The following TMED2 variants were observed in gnomAD, a reference collection of about 807,000 sequenced individuals.
TMED2 encodes the protein transmembrane emp24 domain-containing protein 2.
Under a neutral mutation model 17.5 loss-of-function variants are expected in TMED2, and 3 were observed. That is an observed-to-expected ratio of 0.17 (90% CI 0.08 to 0.44). The LOEUF (loss-of-function observed/expected upper bound fraction) is 0.44, where lower values mean the gene tolerates loss of function less well. TMED2 is among the 20% of genes least tolerant of loss of function. TMED2 has a pLI of 0.99. For synonymous variants in TMED2, 95 were observed against 91.0 expected (o/e 1.04, Z -0.25); for missense variants, 149 against 254.8 (o/e 0.58, Z 2.83).
chr12:123,590,747 G>T (rs1262035854), intron 3 of TMED2, among the ~76,000 whole-genome samples: 1 of 152,190 alleles, frequency 6.6e-6, no homozygotes, highest in Non-Finnish European at 1.5e-5. Flanking sequence ...ACTTTGGGAG[G>T]CTGAGGCAGG....
intron 1 of TMED2, 117 bp downstream of exon 1, chr12:123,584,933 C>A: frequency 7.6e-7 from 1 of 1,310,758 alleles, no homozygotes; most frequent in Admixed American, 2.5e-5. Context: ...CTGTCCGAGT[C>A]CTGGAGAAGC....
rs1025504233 is a variant in TMED2, at chr12:123,584,828, C to G, written c.180+12C>G. ...ACATCGACGTGGAGGTGCGGGCTAG[C>G]TGCCCGCAGCTGAGGCTTGGTCGCG... is the stretch of plus-strand genomic sequence containing the variant. On this transcript the variant is annotated intron_variant, in intron 1 of 3. Coordinates refer to ENST00000262225, the MANE Select transcript of TMED2 (RefSeq NM_006815.4). 20 of 1,605,640 alleles carry G rather than the reference C, an allele frequency of 1.2e-5. No individual in the cohort carries two copies. The African/African-American group carries it at 1.3e-4, about 11-fold the overall frequency.
intron 3 of TMED2, among the ~76,000 whole-genome samples, chr12:123,593,120 G>A (rs1953405117): frequency 6.6e-6 from 1 of 152,196 alleles, no homozygotes; most frequent in South Asian, 2.1e-4. Flanking sequence ...GAGATCACTT[G>A]AACCCAGGAG....
At position 123,590,457 on chromosome 12, in the gene TMED2, AATGC is replaced by A; in HGVS notation, c.481+9_481+12del. ...AGAGAATACACAGAGCCAGTAAGTG[AATGC>A]CGTCACTTTGCAGCAGTGTCTGATG... On this transcript the variant is annotated intron_variant, in intron 3 of 3. Coordinates refer to ENST00000262225, the MANE Select transcript of TMED2 (RefSeq NM_006815.4). The A allele has an allele frequency of 6.3e-7, 1 of 1,590,884 alleles. No homozygotes were observed. The highest frequency in any genetic ancestry group is 8.6e-7 in the Non-Finnish European group (1 of 1,167,214).
intron 3 of TMED2, among the ~76,000 whole-genome samples, chr12:123,590,734 A>G (rs1183285878): frequency 6.6e-6 from 1 of 152,332 alleles, no homozygotes; most frequent in Non-Finnish European, 1.5e-5. Context: ...CTGTAATCCC[A>G]GCACTTTGGG....
intron 2 of TMED2, chr12:123,587,705 T>C: frequency 3.3e-6 from 4 of 1,216,062 alleles, no homozygotes; most frequent in Non-Finnish European, 4.2e-6. Context: ...TGCTTTCTTT[T>C]TTCTAACCTC....
chr12:123,591,738 T>C (rs546658636), intron 3 of TMED2, among the ~76,000 whole-genome samples: 1 of 151,040 alleles, frequency 6.6e-6, no homozygotes, highest in African/African-American at 2.4e-5. Flanking sequence ...GCTGATATCA[T>C]GCCATTGCAC....
intron 2 of TMED2, among the ~76,000 whole-genome samples, chr12:123,588,982 C>T (rs909001408): frequency 1.3e-5 from 2 of 152,118 alleles, no homozygotes; most frequent in Admixed American, 6.6e-5. Flanking sequence ...GGGTTGTCTG[C>T]GAGAATCTGG....
chr12:123,592,260 C>T (rs2135663035), intron 3 of TMED2, among the ~76,000 whole-genome samples: 1 of 152,312 alleles, frequency 6.6e-6, no homozygotes, highest in Middle Eastern at 3.4e-3. Context: ...TCTCTCTTAT[C>T]TTGTTGGGAC....
chr12:123,589,321 G>A (rs916208203), intron 2 of TMED2, among the ~76,000 whole-genome samples: 2 of 152,198 alleles, frequency 1.3e-5, no homozygotes, highest in African/African-American at 2.4e-5. Flanking sequence ...TCTCTGCTCA[G>A]CTTTATAGAG....
chr12:123,587,669 CT>C, intron 2 of TMED2: 1 of 1,260,464 alleles, frequency 7.9e-7, no homozygotes. Flanking sequence ...CTTTTTGCAT[CT>C]TTTTGTTTGC....
Position 123,590,333 on chromosome 12 carries a change from C to T in TMED2, c.374-9C>T, listed in dbSNP as rs1953382307. 1 of 1,573,624 alleles carries T rather than the reference C, an allele frequency of 6.4e-7. No individual in the cohort carries two copies. Among genetic ancestry groups the T allele is most frequent in the Non-Finnish European group, 8.6e-7 (1 of 1,159,806 alleles). On this transcript the variant is annotated splice_polypyrimidine_tract_variant and intron_variant, in intron 2 of 3. Coordinates refer to ENST00000262225, the MANE Select transcript of TMED2 (RefSeq NM_006815.4). Reference sequence around the variant, plus strand: ...GACAAATGTGTTTTGTTTTCAAATCCTTCTATAGCTCACCAGAACAAGCTA... The same window carrying T: ...GACAAATGTGTTTTGTTTTCAAATCTTTCTATAGCTCACCAGAACAAGCTA...
At chr12:123,594,667 C>T (rs997819454) in intron 3 of TMED2, among the ~76,000 whole-genome samples, 4 of 149,978 alleles carry the variant, frequency 2.7e-5, no homozygotes, top group Non-Finnish European at 4.4e-5. Context: ...GTGGGTGGAT[C>T]ACCTGAGGTC....
chr12:123,584,788 A>C lies in TMED2; in HGVS notation c.152A>C (p.Glu51Ala). 2 of 1,612,082 alleles carry C rather than the reference A, an allele frequency of 1.2e-6. No individual in the cohort carries two copies. Among genetic ancestry groups the C allele is most frequent in the Non-Finnish European group, 1.7e-6 (2 of 1,179,812 alleles). ...TKMGLIFEVA[E>A]GGFLDIDVEI... ...ATGGGCCTCATCTTCGAGGTGGCGGAGGGCGGCTTCCTGGACATCGACGTG... is the reference window on the plus strand; with the variant it reads ...ATGGGCCTCATCTTCGAGGTGGCGGCGGGCGGCTTCCTGGACATCGACGTG... The change falls in exon 1 of 4, where the codon GAG (glutamate) becomes GCG (alanine). Residue 51 changes from glutamate (E) to alanine (A), a missense_variant. Physicochemically the swap from Glu to Ala is moderately radical, Grantham distance 107 (BLOSUM62 -1). Coordinates refer to ENST00000262225, the MANE Select transcript of TMED2 (RefSeq NM_006815.4).
At chr12:123,586,999 A>G (rs1953352735) in intron 2 of TMED2, 60 bp downstream of exon 2, 1 of 1,440,522 alleles carries the variant, frequency 6.9e-7, no homozygotes, top group Non-Finnish European at 9.2e-7. Context: ...AGTTCTATAC[A>G]TTTTTACCTG....
Position 123,590,462 on chromosome 12 carries a change from C to T in TMED2, c.481+13C>T, listed in dbSNP as rs760209829. 83 of 1,576,080 alleles carry T rather than the reference C, an allele frequency of 5.3e-5. No individual in the cohort carries two copies. Among genetic ancestry groups the T allele is most frequent in the Middle Eastern group, 1.7e-4 (1 of 5,990 alleles). ...ATACACAGAGCCAGTAAGTGAATGC[C>T]GTCACTTTGCAGCAGTGTCTGATGG... On this transcript the variant is annotated intron_variant, in intron 3 of 3. Transcript: ENST00000262225.
chr12:123,585,157 TCA>T (rs1377332810), intron 1 of TMED2: 1 of 255,326 alleles, frequency 3.9e-6, no homozygotes, highest in Non-Finnish European at 7.8e-6. Flanking sequence ...AAGGCGCTTC[TCA>T]GTCACAGTTA....
chr12:123,585,503 T>G (rs1351259939), intron 1 of TMED2: 1 of 152,196 alleles, frequency 6.6e-6, no homozygotes, highest in Non-Finnish European at 1.5e-5. Context: ...TCCACTCATG[T>G]TTTGTAAACC....
intron 2 of TMED2, among the ~76,000 whole-genome samples, chr12:123,587,959 A>G (rs1182086053): frequency 1.3e-5 from 2 of 152,234 alleles, no homozygotes; most frequent in African/African-American, 2.4e-5. Context: ...GCTCATAGCA[A>G]ATGGTGCCTT....
Sources: allele counts gnomAD v4.1 joint callset (sites outside exome capture counted in the v4.1 genomes callset), GRCh38; gene constraint gnomAD v4.1.1; transcripts MANE v1.5; gene names NCBI Gene and HGNC (gene_info 2026-07-23, HGNC 2026-07-21).